The following THSD4 variants were observed in gnomAD, a reference collection of about 807,000 sequenced individuals.
THSD4 encodes the protein thrombospondin type 1 domain containing 4.
THSD4 carries 69 observed loss-of-function variants against 119.0 expected under a neutral mutation model. That is an observed-to-expected ratio of 0.58 (90% CI 0.48 to 0.71). The LOEUF (loss-of-function observed/expected upper bound fraction) is 0.71. THSD4 is among the 30% of genes least tolerant of loss of function. The pLI is 0.00. For missense variants in THSD4, 1,393 were observed against 1,391.1 expected (o/e 1.00, Z -0.02); for synonymous variants, 524 against 540.4 (o/e 0.97, Z 0.42).
At position 71,419,566 on chromosome 15, in the gene THSD4, G is replaced by A. The variant is rs1445079640; in HGVS notation, c.1152+7743G>A. Among the ~76,000 whole-genome samples, 2 of 107,206 alleles carry A rather than the reference G, an allele frequency of 1.9e-5. 1 individual carries two copies. The highest frequency in any genetic ancestry group is 6.4e-5 in the African/African-American group (2 of 31,490). The allele number at this position is 107,206 out of a possible 152,430, so 70.3% of individuals were successfully genotyped here. A position where few individuals can be genotyped will look rare whatever the true frequency, so the allele number is the denominator to read the frequency against. ...TCTAGTTCTTTAAGATGCATCAATC[G>A]GTTGTTTGTTTGAAGTTTTTCTACT... On this transcript the variant is annotated intron_variant, in intron 7 of 17. Coordinates refer to ENST00000261862, the MANE Select transcript of THSD4 (RefSeq NM_024817.3).
chr15:71,558,099 G>A (rs539853943), intron 7 of THSD4, among the ~76,000 whole-genome samples: 1 of 152,066 alleles, frequency 6.6e-6, no homozygotes, highest in Non-Finnish European at 1.5e-5. Context: ...AGGTCGAGGT[G>A]GGCAGATCAC....
At chr15:71,429,294 G>A (rs183007106) in intron 7 of THSD4, among the ~76,000 whole-genome samples, 7 of 152,350 alleles carry the variant, frequency 4.6e-5, no homozygotes, top group Admixed American at 1.3e-4. Flanking sequence ...ACGATTGTTA[G>A]GGGGAAATTA....
intron 6 of THSD4, chr15:71,342,897 T>C (rs915747745): frequency 2.0e-5 from 3 of 152,320 alleles, no homozygotes; most frequent in Admixed American, 6.5e-5. Flanking sequence ...GTTCCGTTTG[T>C]GCTCGAGTTT....
At position 71,681,830 on chromosome 15, in the gene THSD4, A is replaced by C. The variant is rs891066305; in HGVS notation, c.1357+21096A>C. Reference sequence around the variant, plus strand: ...TGGTACCAAGATGTTCATGGGGGCAAACGGAAGTTGATCAACACTTGTATT... The same window carrying C: ...TGGTACCAAGATGTTCATGGGGGCACACGGAAGTTGATCAACACTTGTATT... On this transcript the variant is annotated intron_variant, in intron 8 of 17. Transcript: ENST00000261862. 1.1e-4 allele frequency among the ~76,000 whole-genome samples: 16 copies of C among 152,292 alleles called. No individual in the cohort carries two copies. In the East Asian group the frequency reaches 1.5e-3, roughly 15 times the overall value.
At chr15:71,298,425 A>G (rs914951420) in intron 6 of THSD4, among the ~76,000 whole-genome samples, 21 of 152,048 alleles carry the variant, frequency 1.4e-4, no homozygotes, top group African/African-American at 4.8e-5. Context: ...TTAACCAGCC[A>G]TCCCACTGTT....
At chr15:71,242,459 G>A (rs186467087) in intron 4 of THSD4, among the ~76,000 whole-genome samples, 190 bp from the exon 5 acceptor site, 1 of 152,138 alleles carries the variant, frequency 6.6e-6, no homozygotes, top group African/African-American at 2.4e-5. Context: ...TCCAACTTCT[G>A]TGGAGCCTCT....
chr15:71,247,726 A>G (rs1299494454), intron 5 of THSD4, among the ~76,000 whole-genome samples: 1 of 152,226 alleles, frequency 6.6e-6, no homozygotes, highest in Non-Finnish European at 1.5e-5. Context: ...GTTTGTCTTC[A>G]GCAGTGAAGG....
chr15:71,430,679 C>T (rs1372403057), intron 7 of THSD4, among the ~76,000 whole-genome samples: 1 of 151,108 alleles, frequency 6.6e-6, no homozygotes, highest in East Asian at 1.9e-4. Flanking sequence ...ATCACTTGAA[C>T]CCGGGAGGTG....
At chr15:71,161,226 C>T (rs2043247304) in intron 3 of THSD4, among the ~76,000 whole-genome samples, 1 of 151,948 alleles carries the variant, frequency 6.6e-6, no homozygotes, top group Non-Finnish European at 1.5e-5. Context: ...TATTCTGCAT[C>T]TCTTGGATGG....
rs1416911884 is a variant in THSD4, at chr15:71,450,675, T to C, written c.1152+38852T>C. Among the ~76,000 whole-genome samples the C allele has an allele frequency of 1.3e-5, 2 of 152,232 alleles. 1 individual carries two copies. The highest frequency in any genetic ancestry group is 2.9e-5 in the Non-Finnish European group (2 of 68,048). ...AATTGTTCACAAGCCCCCATTTCAC[T>C]TGGTAGTGTAGGGGAGGGAAATGTG... is the stretch of plus-strand genomic sequence containing the variant. On this transcript the variant is annotated intron_variant, in intron 7 of 17. Coordinates refer to ENST00000261862, the MANE Select transcript of THSD4 (RefSeq NM_024817.3).
intron 7 of THSD4, among the ~76,000 whole-genome samples, chr15:71,567,804 T>TGTGTGG (rs1257241943): frequency 6.6e-6 from 1 of 152,038 alleles, no homozygotes; most frequent in African/African-American, 2.4e-5. Context: ...TTTGTAGGTG[T>TGTGTGG]GTGTGGGTGT....
chr15:71,738,262 T>TGAACTGTGCC (rs2053164643), intron 11 of THSD4: 3 of 456,052 alleles, frequency 6.6e-6, no homozygotes, highest in African/African-American at 2.0e-5. Flanking sequence ...CACAATAGGG[T>TGAACTGTGCC]TCACGCTCCT....
intron 7 of THSD4, among the ~76,000 whole-genome samples, chr15:71,442,660 G>GTGTGTGTTTGTATGTATATA: frequency 3.9e-5 from 1 of 25,828 alleles, no homozygotes; most frequent in South Asian, 2.4e-3. Flanking sequence ...GTGTGTGTGT[G>GTGTGTGTTTGTATGTATATA]TATATATATA....
intron 6 of THSD4, among the ~76,000 whole-genome samples, chr15:71,328,787 TAAAAA>T (rs2045381128): frequency 6.6e-6 from 1 of 152,204 alleles, no homozygotes; most frequent in Non-Finnish European, 1.5e-5. Context: ...ATTTACAAAA[TAAAAA>T]GTTATGGCCC....
At chr15:71,525,463 C>G (rs1048747383) in intron 7 of THSD4, among the ~76,000 whole-genome samples, 7 of 152,174 alleles carry the variant, frequency 4.6e-5, no homozygotes, top group Non-Finnish European at 8.8e-5. Context: ...TGGACAAGGT[C>G]AGGCATGGGC....
rs182753205 is a variant in THSD4 at position 71,777,667 on chromosome 15, G to A, written c.*293G>A. ...AAAGTCAAGCAGTGGGAAGTACATGGAGCTCTCAGCCCTGCTCCCATCTGG... is the reference window on the plus strand; with the variant it reads ...AAAGTCAAGCAGTGGGAAGTACATGAAGCTCTCAGCCCTGCTCCCATCTGG... On this transcript the variant is annotated 3_prime_UTR_variant, in exon 18 of 18. Transcript: ENST00000261862. The A allele has an allele frequency of 5.7e-4, 239 of 416,812 alleles. 2 individuals carry two copies. Among genetic ancestry groups the A allele is most frequent in the African/African-American group, 4.5e-3 (224 of 49,590 alleles). The allele number at this position is 416,812 out of a possible 1,614,324, so 25.8% of individuals were successfully genotyped here.
At chr15:71,556,406 G>T (rs1896971559) in intron 7 of THSD4, among the ~76,000 whole-genome samples, 2 of 151,686 alleles carry the variant, frequency 1.3e-5, no homozygotes, top group African/African-American at 4.8e-5. Flanking sequence ...TAAATTATGT[G>T]TATGTTTTTC....
intron 7 of THSD4, among the ~76,000 whole-genome samples, chr15:71,511,396 G>A (rs2048281407): frequency 6.6e-6 from 1 of 152,172 alleles, no homozygotes; most frequent in Non-Finnish European, 1.5e-5. Context: ...GGAGGATTCA[G>A]AGACTTTTCA....
chr15:71,455,083 G>A (rs567955679), intron 7 of THSD4, among the ~76,000 whole-genome samples: 85 of 152,278 alleles, frequency 5.6e-4, no homozygotes, highest in Non-Finnish European at 1.0e-3. Flanking sequence ...TTTCTACCAT[G>A]AGAAAATTCC....
Sources: allele counts gnomAD v4.1 joint callset (sites outside exome capture counted in the v4.1 genomes callset), GRCh38; gene constraint gnomAD v4.1.1; transcripts MANE v1.5; gene names NCBI Gene and HGNC (gene_info 2026-07-23, HGNC 2026-07-21).